The following PVT1 variants were observed in gnomAD, a reference collection of about 807,000 sequenced individuals.
PVT1 encodes the protein Pvt1 oncogene.
In PVT1 at chr8:128,034,057, T is replaced by G. The variant is rs187216206; in HGVS notation, n.913-36103T>G. On this transcript the variant is annotated intron_variant and non_coding_transcript_variant, in intron 4 of 10. Coordinates refer to ENST00000651587, the Ensembl canonical transcript of PVT1. ...TTACAGGTGGTACCATCTGCACTTC[T>G]GCACCTTTTTTTTTTTTTTTGGCCC... Among the ~76,000 whole-genome samples, 44 of 149,148 alleles carry G rather than the reference T, an allele frequency of 3.0e-4. No individual in the cohort carries two copies. In the East Asian group the frequency reaches 8.6e-3, roughly 29 times the overall value.
At chr8:127,832,152 C>A (rs1375548850) in intron 2 of PVT1, among the ~76,000 whole-genome samples, 1 of 152,134 alleles carries the variant, frequency 6.6e-6, no homozygotes, top group African/African-American at 2.4e-5. Context: ...TCCTCCACCC[C>A]CATCTCGGCA....
At chr8:128,090,073 G>T (rs567474174) in intron 5 of PVT1, among the ~76,000 whole-genome samples, 15 of 152,298 alleles carry the variant, frequency 9.8e-5, no homozygotes, top group African/African-American at 2.6e-4. Context: ...TCTATGCATA[G>T]GCCTTCCCCT....
rs1816063128 is a variant in PVT1, at chr8:127,921,854, G to GTTTTTTTGTTTTTTTTT, written n.782+30863_782+30864insGTTTTTTTTTTTTTTTT. Among the ~76,000 whole-genome samples the GTTTTTTTGTTTTTTTTT allele has an allele frequency of 1.9e-4, 14 of 71,924 alleles. 1 individual carries two copies. The highest frequency in any genetic ancestry group is 8.5e-4 in the African/African-American group (14 of 16,494). 47.2% of individuals were successfully genotyped at this position (71,924 alleles called of 152,430 possible). A position where few individuals can be genotyped will look rare whatever the true frequency, so the allele number is the denominator to read the frequency against. The stretch of plus-strand genomic sequence containing the variant: ...AAAAAAATTATAATTTTTGGTTCAT[G>GTTTTTTTGTTTTTTTTT]TTTTTTTTTTTTTTTTTTTTTTTTG... On this transcript the variant is annotated intron_variant and non_coding_transcript_variant, in intron 3 of 10. Transcript: ENST00000651587.
At chr8:128,074,032 T>C (rs1444975418) in intron 5 of PVT1, among the ~76,000 whole-genome samples, 1 of 152,176 alleles carries the variant, frequency 6.6e-6, no homozygotes, top group African/African-American at 2.4e-5. Flanking sequence ...TCTTCCCCTC[T>C]TTATCTCTGA....
chr8:127,874,903 G>GGTGT (rs112419227), intron 2 of PVT1, among the ~76,000 whole-genome samples: 265 of 145,812 alleles, frequency 1.8e-3, no homozygotes, highest in South Asian at 3.9e-3. Flanking sequence ...TTGGCCTCCA[G>GGTGT]GTGTGTGTGT....
At chr8:128,024,545 G>C (rs1163469000) in intron 4 of PVT1, among the ~76,000 whole-genome samples, 1 of 152,084 alleles carries the variant, frequency 6.6e-6, no homozygotes, top group Non-Finnish European at 1.5e-5. Context: ...AGGATCACCT[G>C]AGCCCAGGAA....
chr8:127,971,607 A>G (rs1186639811), intron 3 of PVT1, among the ~76,000 whole-genome samples: 3 of 152,182 alleles, frequency 2.0e-5, no homozygotes, highest in Non-Finnish European at 4.4e-5. Context: ...TGTAGCATAG[A>G]GCAGCCCAGC....
chr8:127,952,763 T>TG (rs1182867597), intron 3 of PVT1, among the ~76,000 whole-genome samples: 1 of 127,918 alleles, frequency 7.8e-6, no homozygotes, highest in East Asian at 2.3e-4. Context: ...ACCTAGGTTG[T>TG]GCCTGCATTT....
intron 2 of PVT1, among the ~76,000 whole-genome samples, chr8:127,884,486 G>A (rs558255012): frequency 9.0e-4 from 137 of 152,190 alleles, no homozygotes; most frequent in Non-Finnish European, 1.6e-3. Flanking sequence ...TTGATACCAC[G>A]GAGTGGAGCT....
chr8:128,009,360 C>T (rs1352921187), intron 4 of PVT1, among the ~76,000 whole-genome samples: 1 of 152,156 alleles, frequency 6.6e-6, no homozygotes, highest in Non-Finnish European at 1.5e-5. Context: ...TTCTATATGT[C>T]CTGCATAAGA....
intron 4 of PVT1, among the ~76,000 whole-genome samples, chr8:128,041,607 T>C (rs2130089395): frequency 1.0e-5 from 1 of 96,722 alleles, no homozygotes; most frequent in South Asian, 4.7e-4. Context: ...TGTACATGTG[T>C]TTGGTGTGTG....
intron 5 of PVT1, among the ~76,000 whole-genome samples, chr8:128,085,333 GC>G (rs1814242922): frequency 6.6e-6 from 1 of 152,118 alleles, no homozygotes; most frequent in Non-Finnish European, 1.5e-5. Flanking sequence ...GAAGCACCCA[GC>G]CAAGCCCATC....
At chr8:128,063,939 A>C (rs1300082176) in intron 4 of PVT1, among the ~76,000 whole-genome samples, 2 of 152,222 alleles carry the variant, frequency 1.3e-5, no homozygotes, top group Admixed American at 1.3e-4. Context: ...TGTGTCCTTC[A>C]AAACATCGTG....
At chr8:127,938,407 G>A (rs202184838) in intron 3 of PVT1, among the ~76,000 whole-genome samples, 1 of 152,098 alleles carries the variant, frequency 6.6e-6, no homozygotes, top group African/African-American at 2.4e-5. Flanking sequence ...CTGTGTCCAC[G>A]GCATGTTCCT....
chr8:127,920,215 CGTT>C (rs1338972925), intron 3 of PVT1, among the ~76,000 whole-genome samples: 6 of 152,196 alleles, frequency 3.9e-5, no homozygotes, highest in Non-Finnish European at 8.8e-5. Context: ...GATGGCCAGA[CGTT>C]GTAAACATCT....
intron 5 of PVT1, among the ~76,000 whole-genome samples, chr8:128,084,438 C>A (rs530444297): frequency 1.6e-4 from 24 of 152,318 alleles, no homozygotes; most frequent in Non-Finnish European, 1.5e-5. Context: ...TTTCTGACCA[C>A]TCCCTCTAAA....
intron 4 of PVT1, among the ~76,000 whole-genome samples, chr8:128,050,726 C>T (rs185738242): frequency 1.1e-3 from 165 of 152,286 alleles, no homozygotes; most frequent in South Asian, 6.2e-4. Context: ...TTCCTACCTG[C>T]AGGGTTCTTG....
intron 3 of PVT1, among the ~76,000 whole-genome samples, chr8:127,919,634 A>G (rs1816033194): frequency 2.0e-5 from 3 of 152,184 alleles, no homozygotes. Flanking sequence ...GAGAGCCCAG[A>G]GATCAGATGT....
chr8:127,824,936 A>G (rs967421763), intron 2 of PVT1, among the ~76,000 whole-genome samples: 2 of 152,080 alleles, frequency 1.3e-5, no homozygotes, highest in Non-Finnish European at 2.9e-5. Context: ...CTTGGGCAAC[A>G]TGGTGAAACC....
Sources: allele counts gnomAD v4.1 joint callset (sites outside exome capture counted in the v4.1 genomes callset), GRCh38; gene constraint gnomAD v4.1.1; transcripts MANE v1.5; gene names NCBI Gene and HGNC (gene_info 2026-07-23, HGNC 2026-07-21).